The following VKORC1L1 variants were observed in gnomAD, a reference collection of about 807,000 sequenced individuals.
The protein encoded by VKORC1L1 is vitamin K epoxide reductase complex subunit 1-like protein 1.
A neutral mutation model predicts 18.9 loss-of-function variants in VKORC1L1; 2 were observed. That is an observed-to-expected ratio of 0.11 (90% CI 0.04 to 0.33). VKORC1L1 has a LOEUF of 0.33. Ranked by LOEUF, VKORC1L1 falls within the 10% of genes least tolerant of loss-of-function variation. The pLI is 1.00. For synonymous variants in VKORC1L1, 96 were observed against 100.0 expected (o/e 0.96, Z 0.24); for missense variants, 123 against 224.1 (o/e 0.55, Z 2.88).
At chr7:65,906,899 C>G (rs922607176) in intron 1 of VKORC1L1, among the ~76,000 whole-genome samples, 7 of 152,122 alleles carry the variant, frequency 4.6e-5, no homozygotes, top group African/African-American at 1.7e-4. Flanking sequence ...GCAGTGCTTA[C>G]GCTCAGGTTG....
chr7:65,943,693 G>A (rs942601110), intron 1 of VKORC1L1, among the ~76,000 whole-genome samples: 3 of 152,190 alleles, frequency 2.0e-5, no homozygotes, highest in Non-Finnish European at 4.4e-5. Flanking sequence ...TACTCAGGAG[G>A]CTAAGGCAGG....
At chr7:65,874,368 T>G (rs1170573355) in intron 1 of VKORC1L1, among the ~76,000 whole-genome samples, 1 of 151,982 alleles carries the variant, frequency 6.6e-6, no homozygotes, top group Admixed American at 6.6e-5. Context: ...CTTTTAAACG[T>G]TGTTGCCTAT....
At chr7:65,916,116 A>G (rs539980500) in intron 1 of VKORC1L1, among the ~76,000 whole-genome samples, 1 of 79,076 alleles carries the variant, frequency 1.3e-5, no homozygotes, top group Non-Finnish European at 2.7e-5. Flanking sequence ...GTCTAAAATT[A>G]AAAAAAAAAA....
At chr7:65,919,054 C>T (rs1789633134) in intron 1 of VKORC1L1, among the ~76,000 whole-genome samples, 1 of 152,152 alleles carries the variant, frequency 6.6e-6, no homozygotes, top group African/African-American at 2.4e-5. Context: ...CGCCACTGCA[C>T]TCCAGCTTGG....
chr7:65,894,768 A>G (rs911306092), intron 1 of VKORC1L1, among the ~76,000 whole-genome samples: 4 of 151,496 alleles, frequency 2.6e-5, no homozygotes, highest in Non-Finnish European at 4.4e-5. Context: ...TAAATTGGCC[A>G]GGCATAGTGT....
At chr7:65,899,388 C>A (rs1789271523) in intron 1 of VKORC1L1, among the ~76,000 whole-genome samples, 1 of 152,014 alleles carries the variant, frequency 6.6e-6, no homozygotes, top group African/African-American at 2.4e-5. Flanking sequence ...ATATCTCTGA[C>A]CTGGAAAAAA....
chr7:65,940,350 C>G (rs1409947979), intron 1 of VKORC1L1, among the ~76,000 whole-genome samples: 1 of 152,114 alleles, frequency 6.6e-6, no homozygotes, highest in African/African-American at 2.4e-5. Flanking sequence ...ATTACATACC[C>G]AAACAATCAA....
intron 1 of VKORC1L1, among the ~76,000 whole-genome samples, chr7:65,912,396 C>T (rs912184781): frequency 1.3e-5 from 2 of 152,346 alleles, no homozygotes; most frequent in South Asian, 2.1e-4. Context: ...TCCGAGCTCA[C>T]AGTGTTGACA....
At chr7:65,883,956 T>G (rs1788971183) in intron 1 of VKORC1L1, among the ~76,000 whole-genome samples, 1 of 152,234 alleles carries the variant, frequency 6.6e-6, no homozygotes. Flanking sequence ...GTCTTGTGAT[T>G]ACCGATCCTT....
chr7:65,871,000 G>C (rs200543022), upstream of VKORC1L1, among the ~76,000 whole-genome samples: 14 of 152,204 alleles, frequency 9.2e-5, no homozygotes, highest in East Asian at 2.7e-3. Context: ...TGCTCAGGCT[G>C]GTCTTGAACT....
intron 2 of VKORC1L1, 114 bp downstream of exon 2, chr7:65,948,894 G>C (rs1323478988): frequency 7.6e-7 from 1 of 1,318,204 alleles, no homozygotes; most frequent in African/African-American, 1.5e-5. Context: ...CCACTAGCGT[G>C]TACAACATTT....
At chr7:65,930,323 G>C (rs1011536003) in intron 1 of VKORC1L1, among the ~76,000 whole-genome samples, 3 of 152,174 alleles carry the variant, frequency 2.0e-5, no homozygotes, top group Non-Finnish European at 2.9e-5. Flanking sequence ...CTTTAGAGTG[G>C]AAGAAAGAAA....
intron 1 of VKORC1L1, among the ~76,000 whole-genome samples, chr7:65,913,502 G>A (rs1293139317): frequency 6.6e-6 from 1 of 151,956 alleles, no homozygotes; most frequent in South Asian, 2.1e-4. Context: ...GAGGCAGGTG[G>A]ATCACTTGAG....
intron 1 of VKORC1L1, among the ~76,000 whole-genome samples, chr7:65,902,734 C>G (rs1789339105): frequency 6.6e-6 from 1 of 152,038 alleles, no homozygotes; most frequent in African/African-American, 2.4e-5. Context: ...AAGAGAAAAT[C>G]TTGAAAGCAG....
chr7:65,881,848 G>A (rs1230202553), intron 1 of VKORC1L1, among the ~76,000 whole-genome samples: 1 of 152,194 alleles, frequency 6.6e-6, no homozygotes, highest in African/African-American at 2.4e-5. Context: ...GGGAGGCTGA[G>A]GCGGATGTAT....
At chr7:65,914,155 T>A (rs1174239991) in intron 1 of VKORC1L1, among the ~76,000 whole-genome samples, 2 of 152,216 alleles carry the variant, frequency 1.3e-5, no homozygotes, top group Non-Finnish European at 2.9e-5. Flanking sequence ...TCTCACTCTG[T>A]CACCCAGACT....
chr7:65,956,510 T>G lies in VKORC1L1; in HGVS notation c.*2210T>G, dbSNP rs1790297293. On this transcript the variant is annotated 3_prime_UTR_variant, in exon 3 of 3. Transcript: ENST00000360768. ...AGACCCTTCCAGTTTTTCCTTTGCT[T>G]TTCTAAGCCTCGGGGAAACCACTGT... 6.6e-6 allele frequency: 1 copy of G among 152,234 alleles called. No homozygotes were observed. Among genetic ancestry groups the G allele is most frequent in the Non-Finnish European group, 1.5e-5 (1 of 68,036 alleles). The allele number at this position is 152,234 out of a possible 1,614,324, so 9.4% of individuals were successfully genotyped here.
At chr7:65,943,578 A>G (rs1211648091) in intron 1 of VKORC1L1, among the ~76,000 whole-genome samples, 1 of 151,998 alleles carries the variant, frequency 6.6e-6, no homozygotes, top group East Asian at 1.9e-4. Context: ...TTCCTTTTTA[A>G]TGGTCAGGAG....
At chr7:65,920,139 C>A (rs757643693) in intron 1 of VKORC1L1, among the ~76,000 whole-genome samples, 1 of 152,038 alleles carries the variant, frequency 6.6e-6, no homozygotes, top group African/African-American at 2.4e-5. Context: ...CTCACCTCAG[C>A]GAGGCCTCCT....
Sources: gnomAD v4.1 joint callset for allele counts (sites outside exome capture counted in the v4.1 genomes callset) on GRCh38, gnomAD v4.1.1 for gene constraint, MANE v1.5 for transcripts, NCBI Gene and HGNC (gene_info 2026-07-23, HGNC 2026-07-21) for gene names.